The following MCPH1 variants were observed in gnomAD, a reference collection of about 807,000 sequenced individuals.
MCPH1 encodes microcephalin.
In MCPH1, 104 loss-of-function variants were observed where a neutral mutation model predicts 84.5. The ratio of observed to expected loss-of-function variants is 1.23; its 90% CI spans 1.05 to 1.45. The LOEUF is 1.45. Ranked by LOEUF, MCPH1 falls within the 40% of genes most tolerant of loss-of-function variation. The pLI is 0.00. For missense variants in MCPH1, 1,498 were observed against 1,005.7 expected, an observed-to-expected ratio of 1.49 and a Z score of -6.62; for synonymous variants, 514 against 366.8, an observed-to-expected ratio of 1.40 and a Z score of -4.58.
chr8:6,411,378 G>A (rs1253811579), intron 2 of MCPH1, among the ~76,000 whole-genome samples: 1 of 152,134 alleles, frequency 6.6e-6, no homozygotes, highest in Admixed American at 6.5e-5. Flanking sequence ...ATAACAAAAA[G>A]CAAGTGACCA....
Position 6,481,037 on chromosome 8 carries a change from C to T in MCPH1, c.2136+161C>T, listed in dbSNP as rs190618164. On this transcript the variant is annotated intron_variant, in intron 11 of 13. Coordinates refer to ENST00000344683, the MANE Select transcript of MCPH1 (RefSeq NM_024596.5). ...CCCGTCTTTCCTCCTGTTGGTCTCC[C>T]GTGGGCTGCTACCCTTCAACCAGGG... 1.3e-4 allele frequency among the ~76,000 whole-genome samples: 20 copies of T among 152,328 alleles called. No homozygotes were observed. The East Asian group carries it at 1.4e-3, about 10-fold the overall frequency.
intron 12 of MCPH1, among the ~76,000 whole-genome samples, chr8:6,593,918 G>A (rs889289043): frequency 2.0e-5 from 3 of 152,208 alleles, no homozygotes; most frequent in African/African-American, 4.8e-5. Context: ...CCCATCAGAA[G>A]GACCCCCGCT....
intron 9 of MCPH1, among the ~76,000 whole-genome samples, chr8:6,468,376 A>C (rs1158371514): frequency 6.6e-6 from 1 of 152,068 alleles, no homozygotes; most frequent in African/African-American, 2.4e-5. Flanking sequence ...TCTCCCACAC[A>C]CCCAGACCGC....
At chr8:6,489,113 C>T (rs1232659872) in intron 11 of MCPH1, among the ~76,000 whole-genome samples, 1 of 152,034 alleles carries the variant, frequency 6.6e-6, no homozygotes, top group East Asian at 1.9e-4. Context: ...TTGATGTAGG[C>T]ATATTAGGTC....
At chr8:6,425,212 G>A (rs907976208) in intron 3 of MCPH1, among the ~76,000 whole-genome samples, 2 of 152,206 alleles carry the variant, frequency 1.3e-5, no homozygotes, top group African/African-American at 4.8e-5. Flanking sequence ...TTTGATTTCT[G>A]TTGGCTCTGA....
chr8:6,408,891 CTT>C (rs112280128), intron 1 of MCPH1, among the ~76,000 whole-genome samples: 1 of 77,196 alleles, frequency 1.3e-5, no homozygotes. Flanking sequence ...TTACTTTTTT[CTT>C]TTTTTTTTTT....
intron 7 of MCPH1, among the ~76,000 whole-genome samples, chr8:6,442,436 G>A (rs1308389745): frequency 6.6e-6 from 1 of 152,116 alleles, no homozygotes; most frequent in African/African-American, 2.4e-5. Context: ...GAACTAATCT[G>A]TATGCAGTTT....
chr8:6,516,218 T>G (rs1816237718), intron 12 of MCPH1, among the ~76,000 whole-genome samples: 1 of 152,270 alleles, frequency 6.6e-6, no homozygotes, highest in Admixed American at 6.5e-5. Flanking sequence ...GTTACCGCTC[T>G]GTATTGCTAT....
chr8:6,449,545 A>G (rs1804830924), intron 8 of MCPH1, among the ~76,000 whole-genome samples: 1 of 152,130 alleles, frequency 6.6e-6, no homozygotes. Flanking sequence ...AGGCAGGAGA[A>G]TCACTTGAAC....
At chr8:6,541,766 G>A (rs1821621823) in intron 12 of MCPH1, among the ~76,000 whole-genome samples, 1 of 152,088 alleles carries the variant, frequency 6.6e-6, no homozygotes, top group Non-Finnish European at 1.5e-5. Context: ...TACTTTAGGG[G>A]GCCAAGGTAG....
intron 3 of MCPH1, among the ~76,000 whole-genome samples, chr8:6,429,015 C>A (rs115334359): frequency 2.0e-5 from 3 of 152,196 alleles, no homozygotes; most frequent in African/African-American, 7.2e-5. Flanking sequence ...TAATCCGCCC[C>A]TCTGAGTGCA....
intron 12 of MCPH1, among the ~76,000 whole-genome samples, chr8:6,577,104 C>T (rs1827188617): frequency 6.6e-6 from 1 of 152,180 alleles, no homozygotes; most frequent in African/African-American, 2.4e-5. Flanking sequence ...CCACTGGGTT[C>T]CTGCTGCACA....
intron 9 of MCPH1, among the ~76,000 whole-genome samples, chr8:6,473,394 G>A (rs905036461): frequency 6.6e-5 from 8 of 121,548 alleles, no homozygotes; most frequent in African/African-American, 2.5e-4. Flanking sequence ...GCAGTGGCAC[G>A]ATCTTGGCTC....
intron 13 of MCPH1, chr8:6,626,565 C>T (rs1311796642): frequency 9.1e-6 from 9 of 983,636 alleles, no homozygotes; most frequent in African/African-American, 1.8e-5. Context: ...ATCAAATTCC[C>T]GGCCCTAGGA....
intron 10 of MCPH1, among the ~76,000 whole-genome samples, chr8:6,478,917 T>G (rs1026238452): frequency 1.3e-5 from 2 of 152,334 alleles, no homozygotes; most frequent in African/African-American, 2.4e-5. Context: ...AGCCCTTTCA[T>G]TTTACAGATA....
At chr8:6,478,607 C>T (rs1023768167) in intron 10 of MCPH1, among the ~76,000 whole-genome samples, 3 of 152,150 alleles carry the variant, frequency 2.0e-5, no homozygotes, top group African/African-American at 7.2e-5. Context: ...CCTGGACATT[C>T]TGATTTTATG....
At chr8:6,482,663 C>T (rs17077112) in intron 11 of MCPH1, among the ~76,000 whole-genome samples, 11,175 of 152,230 alleles carry the variant, frequency 0.073, 511 homozygotes, top group East Asian at 0.22. Flanking sequence ...CCTTTGCTGT[C>T]GACATGGATA....
intron 13 of MCPH1, chr8:6,625,745 C>G (rs927481089): frequency 1.0e-6 from 1 of 976,804 alleles, no homozygotes; most frequent in African/African-American, 1.8e-5. Context: ...GATCCCACCA[C>G]TGTACTCCAG....
chr8:6,503,356 C>G, intron 12 of MCPH1: 5 of 1,343,654 alleles, frequency 3.7e-6, no homozygotes, highest in Middle Eastern at 1.9e-4. Context: ...AGGCACACTG[C>G]AGGCGTGTGG....
Sources: gnomAD v4.1 joint callset for allele counts (sites outside exome capture counted in the v4.1 genomes callset) on GRCh38, gnomAD v4.1.1 for gene constraint, MANE v1.5 for transcripts, NCBI Gene and HGNC (gene_info 2026-07-23, HGNC 2026-07-21) for gene names.